The following SRL variants were observed in gnomAD, a reference collection of about 807,000 sequenced individuals.
SRL encodes the protein sarcalumenin.
SRL carries 23 observed loss-of-function variants against 39.5 expected under a neutral mutation model. The observed-to-expected ratio is 0.58, with a 90% confidence interval of 0.42 to 0.82. The LOEUF (loss-of-function observed/expected upper bound fraction) is 0.82. Among genes scored for constraint, SRL ranks in the 40% least tolerant of loss-of-function variants. The pLI is 0.00. For synonymous variants in SRL, 272 were observed against 237.4 expected (o/e 1.15, Z -1.34); for missense variants, 592 against 607.8 (o/e 0.97, Z 0.27).
At chr16:4,211,097 C>G (rs1031189725) in intron 1 of SRL, among the ~76,000 whole-genome samples, 33 of 152,248 alleles carry the variant, frequency 2.2e-4, no homozygotes, top group Middle Eastern at 3.4e-3. Context: ...GCTTCTTGGT[C>G]CCATGCTTCC....
chr16:4,201,618 C>T (rs1203312473), intron 3 of SRL, among the ~76,000 whole-genome samples: 1 of 110,946 alleles, frequency 9.0e-6, no homozygotes, highest in African/African-American at 4.3e-5. Context: ...TCACGCTGGG[C>T]CCAATTTTTG....
chr16:4,212,203 G>C (rs1567181840), intron 1 of SRL, among the ~76,000 whole-genome samples: 1 of 152,158 alleles, frequency 6.6e-6, no homozygotes, highest in Non-Finnish European at 1.5e-5. Context: ...CTGAACTTCT[G>C]CTAAACAATT....
At chr16:4,215,804 C>A (rs1567183203) in intron 1 of SRL, among the ~76,000 whole-genome samples, 1 of 152,124 alleles carries the variant, frequency 6.6e-6, no homozygotes, top group Non-Finnish European at 1.5e-5. Context: ...TTGAAACCAG[C>A]CTGGGTAACA....
intron 1 of SRL, among the ~76,000 whole-genome samples, chr16:4,216,415 G>C (rs1461226238): frequency 6.6e-6 from 1 of 152,052 alleles, no homozygotes; most frequent in Non-Finnish European, 1.5e-5. Flanking sequence ...GGGACCACAA[G>C]TGCACGCAAC....
chr16:4,194,350 T>A (rs2052106314), intron 5 of SRL, among the ~76,000 whole-genome samples: 1 of 152,176 alleles, frequency 6.6e-6, no homozygotes, highest in Non-Finnish European at 1.5e-5. Context: ...TTAAAACCAC[T>A]CTGGTTTCTG....
At position 4,191,997 on chromosome 16, in the gene SRL, C is replaced by G. The variant is rs1327462140; in HGVS notation, c.*156G>C. 3.8e-6 allele frequency: 3 copies of G among 780,816 alleles called. No individual in the cohort carries two copies. The highest frequency in any genetic ancestry group is 2.6e-5 in the East Asian group (1 of 38,782). 48.4% of individuals were successfully genotyped at this position (780,816 alleles called of 1,614,324 possible). A position where few individuals can be genotyped will look rare whatever the true frequency, so the allele number is the denominator to read the frequency against. On this transcript the variant is annotated 3_prime_UTR_variant, in exon 6 of 6. Transcript: ENST00000399609. ...GTTTCCACTCTCCTCCCTAGACCCA[C>G]ACACCTGCCCCGACCCCTGGCCTCA...
intron 3 of SRL, among the ~76,000 whole-genome samples, chr16:4,199,411 G>A (rs1293109850): frequency 4.6e-5 from 5 of 108,046 alleles, no homozygotes; most frequent in African/African-American, 7.3e-5. Context: ...TCACTCTGTC[G>A]CCCAAACCAC....
chr16:4,234,070 C>T (rs547608715), intron 1 of SRL, among the ~76,000 whole-genome samples: 1 of 152,274 alleles, frequency 6.6e-6, no homozygotes, highest in Admixed American at 6.5e-5. Context: ...TCTTGGCTCA[C>T]TGCAACTTCG....
chr16:4,241,323 C>A (rs2052770036), intron 1 of SRL, among the ~76,000 whole-genome samples: 1 of 152,300 alleles, frequency 6.6e-6, no homozygotes, highest in South Asian at 2.1e-4. Context: ...CTCTGCTACC[C>A]AAAGTGCTGA....
intron 1 of SRL, 105 bp downstream of exon 1, chr16:4,241,902 G>T: frequency 8.1e-7 from 1 of 1,227,694 alleles, no homozygotes; most frequent in Non-Finnish European, 1.2e-6. Context: ...AAGAGCCAGG[G>T]TTTGCCATCA....
intron 5 of SRL, 82 bp from the exon 6 acceptor site, chr16:4,193,046 TG>T: frequency 7.9e-7 from 1 of 1,258,876 alleles, no homozygotes; most frequent in Non-Finnish European, 1.1e-6. Context: ...TAAACCATTC[TG>T]GGGGTTGAAA....
chr16:4,194,131 A>G (rs2052102968), intron 5 of SRL, among the ~76,000 whole-genome samples: 1 of 152,210 alleles, frequency 6.6e-6, no homozygotes, highest in African/African-American at 2.4e-5. Flanking sequence ...GCCTCATGGC[A>G]GGACTCAGTG....
chr16:4,236,357 C>G (rs181511025), intron 1 of SRL, among the ~76,000 whole-genome samples: 130 of 152,198 alleles, frequency 8.5e-4, no homozygotes, highest in African/African-American at 2.9e-3. Flanking sequence ...CCTGGGCTTG[C>G]AGGTCACTGT....
intron 1 of SRL, among the ~76,000 whole-genome samples, chr16:4,205,099 G>T (rs1028329081): frequency 6.6e-6 from 1 of 152,170 alleles, no homozygotes; most frequent in Non-Finnish European, 1.5e-5. Flanking sequence ...CAGATGGGAG[G>T]ATCACTGGAG....
chr16:4,199,330 T>C (rs543156048), intron 3 of SRL, among the ~76,000 whole-genome samples: 2 of 151,568 alleles, frequency 1.3e-5, no homozygotes, highest in African/African-American at 4.8e-5. Flanking sequence ...TTAATGCATA[T>C]ATAAGCAATA....
At position 4,192,058 on chromosome 16, in the gene SRL, G is replaced by A. The variant is rs1234248610; in HGVS notation, c.*95C>T. On this transcript the variant is annotated 3_prime_UTR_variant, in exon 6 of 6. Transcript: ENST00000399609. The surrounding 1 kb of genome is among the most constrained non-coding windows in gnomAD (Gnocchi z 4.0). ...AACTCTCCACTGTGTAATAATTCCT[G>A]CCAGTGTGGCTCAAAGGGTTAATAA... 1.0e-5 allele frequency: 14 copies of A among 1,333,848 alleles called. No homozygotes were observed. The highest frequency in any genetic ancestry group is 1.3e-5 in the Non-Finnish European group (13 of 970,280). The allele number at this position is 1,333,848 out of a possible 1,614,324, so 82.6% of individuals were successfully genotyped here.
intron 5 of SRL, among the ~76,000 whole-genome samples, chr16:4,195,157 A>C (rs1462471427): frequency 1.3e-5 from 2 of 152,122 alleles, no homozygotes; most frequent in East Asian, 1.9e-4. Flanking sequence ...GGCCTCCCAG[A>C]GTGCTGGGAT....
At chr16:4,202,419 C>G (rs1474002718) in intron 3 of SRL, among the ~76,000 whole-genome samples, 1 of 152,006 alleles carries the variant, frequency 6.6e-6, no homozygotes, top group East Asian at 1.9e-4. Flanking sequence ...TGGTGAAACC[C>G]CATCTCTACT....
At chr16:4,215,021 G>C (rs1250306834) in intron 1 of SRL, among the ~76,000 whole-genome samples, 3 of 152,152 alleles carry the variant, frequency 2.0e-5, no homozygotes, top group African/African-American at 4.8e-5. Flanking sequence ...ACCCGCCTCA[G>C]CCTCCCAAAG....
Sources: gnomAD v4.1 joint callset for allele counts (sites outside exome capture counted in the v4.1 genomes callset) on GRCh38, gnomAD v4.1.1 for gene constraint, Gnocchi (gnomAD v3.1) non-coding constraint, MANE v1.5 for transcripts, NCBI Gene and HGNC (gene_info 2026-07-23, HGNC 2026-07-21) for gene names.